Variants in WDR37 observed in about 807,000 individuals in gnomAD.
The protein encoded by WDR37 is WD repeat domain 37, also known as WD repeat-containing protein 37.
WDR37 carries 19 observed loss-of-function variants against 62.9 expected under a neutral mutation model. The ratio of observed to expected loss-of-function variants is 0.30; its 90% confidence interval spans 0.21 to 0.44. The LOEUF (loss-of-function observed/expected upper bound fraction) is 0.44. Among genes scored for constraint, WDR37 ranks in the 20% least tolerant of loss-of-function variants. The pLI is 1.00. For missense variants in WDR37, 474 were observed against 657.6 expected (o/e 0.72, Z 3.05); for synonymous variants, 250 against 260.9 (o/e 0.96, Z 0.40).
rs1351085134 is a variant in WDR37 at position 1,069,370 on chromosome 10, A to AATATATATATATATATATAT, written c.-40-2745_-40-2726dup. On this transcript the variant is annotated intron_variant, in intron 1 of 13. Coordinates refer to ENST00000263150, the MANE Select transcript of WDR37 (RefSeq NM_014023.4). ...TAGTAATAGTAAAAAAATTGGAAAG[A>AATATATATATATATATATAT]ATATATATATATATATATATTTTTT... Among the ~76,000 whole-genome samples, 14 of 81,404 alleles carry AATATATATATATATATATAT rather than the reference A, an allele frequency of 1.7e-4. 2 individuals are homozygous for AATATATATATATATATATAT. The highest frequency in any genetic ancestry group is 2.5e-4 in the Non-Finnish European group (11 of 43,694). 53.4% of individuals were successfully genotyped at this position (81,404 alleles called of 152,430 possible).
At chr10:1,126,464 A>G (rs1255188330) in intron 13 of WDR37, among the ~76,000 whole-genome samples, 2 of 151,724 alleles carry the variant, frequency 1.3e-5, no homozygotes, top group African/African-American at 4.8e-5. Context: ...CCTTGTGCGT[A>G]ATGGAGGCCC....
chr10:1,080,510 G>T (rs377463060), intron 5 of WDR37, 34 bp downstream of exon 5: 101 of 1,608,384 alleles, frequency 6.3e-5, no homozygotes, highest in Non-Finnish European at 8.4e-5. Context: ...GCCATCATGT[G>T]GTGGTTAAGG....
intron 3 of WDR37, among the ~76,000 whole-genome samples, chr10:1,079,261 T>C (rs1184966499): frequency 6.6e-6 from 1 of 151,704 alleles, no homozygotes; most frequent in African/African-American, 2.4e-5. Context: ...ATTTTTGTAT[T>C]TTTAGTAGAG....
At chr10:1,080,341 A>C (rs375925141) in intron 4 of WDR37, 71 bp from the exon 5 acceptor site, 2 of 1,595,792 alleles carry the variant, frequency 1.3e-6, no homozygotes, top group African/African-American at 2.7e-5. Flanking sequence ...TGCAAGACAC[A>C]AGACCCATTT....
intron 1 of WDR37, 133 bp from the exon 2 acceptor site, chr10:1,071,983 A>G (rs1833745770): frequency 1.6e-6 from 1 of 617,360 alleles, no homozygotes; most frequent in African/African-American, 1.9e-5. Flanking sequence ...AATTTGTCAT[A>G]TTCCAAATTA....
chr10:1,121,616 T>C lies in WDR37; in HGVS notation c.1104-2602T>C, dbSNP rs557264692. ...CCCCGTGTGATGCCGTGGTTTCCAG[T>C]TGGGCAGTTTCCCCCCAGGAGACAG... On this transcript the variant is annotated intron_variant, in intron 11 of 13. Coordinates refer to ENST00000263150, the MANE Select transcript of WDR37 (RefSeq NM_014023.4). This position sits in a 1 kb window ranked among gnomAD's most constrained non-coding sequence, Gnocchi z 4.5. 7.2e-5 allele frequency among the ~76,000 whole-genome samples: 11 copies of C among 152,302 alleles called. No homozygotes were observed. Among genetic ancestry groups the C allele is most frequent in the Admixed American group, 5.2e-4 (8 of 15,302 alleles).
intron 7 of WDR37, among the ~76,000 whole-genome samples, chr10:1,091,909 G>A (rs1043870983): frequency 3.9e-5 from 6 of 152,130 alleles, no homozygotes; most frequent in Admixed American, 6.5e-5. Flanking sequence ...GGCCGGGCGC[G>A]GTGGCTCACG....
At chr10:1,116,150 G>A (rs1207830856) in intron 11 of WDR37, among the ~76,000 whole-genome samples, 5 of 151,406 alleles carry the variant, frequency 3.3e-5, no homozygotes, top group Admixed American at 1.3e-4. Context: ...CATCCACCCC[G>A]CCCCAGGTCT....
intron 1 of WDR37, among the ~76,000 whole-genome samples, chr10:1,060,907 G>A (rs1274712284): frequency 1.3e-5 from 2 of 152,180 alleles, no homozygotes; most frequent in Non-Finnish European, 2.9e-5. Context: ...CAGGGTTGTA[G>A]GCTAGGAGCA....
intron 10 of WDR37, among the ~76,000 whole-genome samples, chr10:1,104,517 TC>T (rs1460110230): frequency 6.6e-6 from 1 of 152,222 alleles, no homozygotes; most frequent in Non-Finnish European, 1.5e-5. Context: ...AGGACAATAT[TC>T]CCTTTGATGA....
chr10:1,083,969 C>T (rs370290999), intron 5 of WDR37, among the ~76,000 whole-genome samples: 33 of 152,306 alleles, frequency 2.2e-4, no homozygotes, highest in Admixed American at 7.8e-4. Flanking sequence ...ACATGTACAG[C>T]GATCAGTGTC....
intron 4 of WDR37, 32 bp from the exon 5 acceptor site, chr10:1,080,380 T>C: frequency 6.2e-7 from 1 of 1,613,796 alleles, no homozygotes; most frequent in Non-Finnish European, 8.5e-7. Flanking sequence ...GATTGTGTGA[T>C]TGTGTTTGAT....
At chr10:1,093,853 T>C (rs1232766022) in intron 8 of WDR37, among the ~76,000 whole-genome samples, 1 of 152,228 alleles carries the variant, frequency 6.6e-6, no homozygotes, top group African/African-American at 2.4e-5. Context: ...GCATCTGATA[T>C]GGAGGAAAAG....
chr10:1,104,853 A>G (rs1193919579), intron 10 of WDR37, among the ~76,000 whole-genome samples: 2 of 152,164 alleles, frequency 1.3e-5, no homozygotes, highest in Admixed American at 6.5e-5. Flanking sequence ...CTCACATTCA[A>G]CCTGTTAATT....
intron 11 of WDR37, among the ~76,000 whole-genome samples, chr10:1,109,163 G>T (rs1420001796): frequency 6.6e-6 from 1 of 152,176 alleles, no homozygotes; most frequent in Non-Finnish European, 1.5e-5. Context: ...CTGAGGGTTT[G>T]GCTCTAGGGG....
chr10:1,116,069 G>A (rs536542002), intron 11 of WDR37, among the ~76,000 whole-genome samples: 93 of 152,296 alleles, frequency 6.1e-4, no homozygotes, highest in African/African-American at 2.2e-3. Context: ...ACTCCACTCA[G>A]GTGAGGCCAG....
At chr10:1,072,082 T>C in intron 1 of WDR37, 34 bp from the exon 2 acceptor site, 10 of 1,545,036 alleles carry the variant, frequency 6.5e-6, no homozygotes, top group Non-Finnish European at 8.8e-6. Context: ...CAACTCGCTG[T>C]ATCAGAAACA....
Position 1,089,903 on chromosome 10 carries a change from C to T in WDR37, c.604+3546C>T, listed in dbSNP as rs956302898. On this transcript the variant is annotated intron_variant, in intron 7 of 13. Coordinates refer to ENST00000263150, the MANE Select transcript of WDR37 (RefSeq NM_014023.4). ...GGAGAAGACGCCTGTGTTTCTGGCA[C>T]GTTGTCGTGTTGCGTGTGTCTCTCC... Among the ~76,000 whole-genome samples, 5 of 152,148 alleles carry T rather than the reference C, an allele frequency of 3.3e-5. No individual in the cohort carries two copies. In the East Asian group the frequency reaches 7.7e-4, roughly 23 times the overall value.
chr10:1,071,102 G>T (rs1358142256), intron 1 of WDR37, among the ~76,000 whole-genome samples: 1 of 152,204 alleles, frequency 6.6e-6, no homozygotes, highest in African/African-American at 2.4e-5. Flanking sequence ...TATTTTAAAG[G>T]TTAGCGTATT....
Sources: allele counts gnomAD v4.1 joint callset (sites outside exome capture counted in the v4.1 genomes callset), GRCh38; gene constraint gnomAD v4.1.1; non-coding constraint Gnocchi (gnomAD v3.1); transcripts MANE v1.5; gene names NCBI Gene and HGNC (gene_info 2026-07-23, HGNC 2026-07-21).